DHRSX: variants seen among roughly 807,000 people sequenced by gnomAD.
The protein encoded by DHRSX is polyprenol dehydrogenase.
Under a neutral mutation model 34.0 loss-of-function variants are expected in DHRSX, and 31 were observed. The observed-to-expected ratio is 0.91, with a 90% CI of 0.69 to 1.23. The LOEUF (loss-of-function observed/expected upper bound fraction) is 1.23, where lower values mean the gene tolerates loss of function less well. DHRSX is among the 50% of genes most tolerant of loss of function. The probability of loss-of-function intolerance (pLI) is 0.00; values close to 1 mark genes in which losing one functional copy is unlikely to be tolerated. For missense variants in DHRSX, 414 were observed against 428.1 expected (o/e 0.97, Z 0.29); for synonymous variants, 201 against 183.8 (o/e 1.09, Z -0.76).
intron 1 of DHRSX, among the ~76,000 whole-genome samples, chrX:2,438,550 A>G (rs2044024464): frequency 6.6e-6 from 1 of 151,554 alleles, no homozygotes; most frequent in South Asian, 2.1e-4. Flanking sequence ...TGGCGCCTGT[A>G]ATCCTGCCTC....
intron 3 of DHRSX, among the ~76,000 whole-genome samples, chrX:2,335,082 G>C (rs1226809343): frequency 1.3e-5 from 2 of 151,802 alleles, no homozygotes; most frequent in Non-Finnish European, 2.9e-5. Context: ...CTATTGAGGA[G>C]GCTGAGGCAG....
intron 3 of DHRSX, among the ~76,000 whole-genome samples, chrX:2,358,298 A>C (rs967902458): frequency 6.6e-6 from 1 of 152,246 alleles, no homozygotes; most frequent in African/African-American, 2.4e-5. Flanking sequence ...GAACTTAAAC[A>C]AATTTACAAA....
chrX:2,246,750 A>AAGAAAGAAAGAG lies in DHRSX; in HGVS notation c.597-3521_597-3520insCTCTTTCTTTCT, dbSNP rs1204935283. ...AAAGAAAGAAAGAAAGAAAGAAAGA[A>AAGAAAGAAAGAG]AAAGAAAGAAAATAAAAGAATAGAA... On this transcript the variant is annotated intron_variant, in intron 5 of 6. Transcript: ENST00000334651. Among the ~76,000 whole-genome samples, 16 of 108,452 alleles carry AAGAAAGAAAGAG rather than the reference A, an allele frequency of 1.5e-4. No individual in the cohort carries two copies. In the East Asian group the frequency reaches 2.8e-3, roughly 19 times the overall value. 71.1% of individuals were successfully genotyped at this position (108,452 alleles called of 152,430 possible).
chrX:2,429,134 T>C (rs917264683), intron 1 of DHRSX, among the ~76,000 whole-genome samples: 4 of 152,178 alleles, frequency 2.6e-5, no homozygotes, highest in Non-Finnish European at 5.9e-5. Flanking sequence ...ATAGAACCTG[T>C]ACAATGACAT....
chrX:2,397,560 T>C (rs1256946257), intron 3 of DHRSX, among the ~76,000 whole-genome samples: 1 of 103,540 alleles, frequency 9.7e-6, no homozygotes, highest in Non-Finnish European at 2.1e-5. Context: ...ACCTCGGTTC[T>C]CATTCACAGA....
At chrX:2,401,124 T>C (rs2043480651) in intron 3 of DHRSX, among the ~76,000 whole-genome samples, 1 of 151,930 alleles carries the variant, frequency 6.6e-6, no homozygotes, top group South Asian at 2.1e-4. Flanking sequence ...TTTTTTTTTT[T>C]TTTTAGATGA....
intron 3 of DHRSX, among the ~76,000 whole-genome samples, chrX:2,396,967 T>C (rs1458319287): frequency 6.6e-6 from 1 of 152,124 alleles, no homozygotes; most frequent in Non-Finnish European, 1.5e-5. Context: ...AGAGAATGGC[T>C]GAAAACAGCT....
intron 3 of DHRSX, among the ~76,000 whole-genome samples, chrX:2,373,263 AT>A (rs1569494953): frequency 6.6e-6 from 1 of 152,176 alleles, no homozygotes; most frequent in African/African-American, 2.4e-5. Flanking sequence ...AATCATTACA[AT>A]TCCAGGTGCC....
At chrX:2,414,797 C>G (rs1413744703) in intron 2 of DHRSX, among the ~76,000 whole-genome samples, 3 of 152,022 alleles carry the variant, frequency 2.0e-5, no homozygotes, top group Non-Finnish European at 4.4e-5. Flanking sequence ...TGACCCAATA[C>G]AAGTAGATCT....
intron 1 of DHRSX, among the ~76,000 whole-genome samples, chrX:2,483,789 CAAAAAAAAAA>C (rs111577835): frequency 9.1e-6 from 1 of 110,406 alleles, no homozygotes; most frequent in African/African-American, 3.0e-5. Flanking sequence ...GAAAAAGTGG[CAAAAAAAAAA>C]AAAAAAAAAA....
At chrX:2,422,423 G>A (rs2043792583) in intron 2 of DHRSX, among the ~76,000 whole-genome samples, 1 of 151,770 alleles carries the variant, frequency 6.6e-6, no homozygotes, top group African/African-American at 2.4e-5. Context: ...CCACCATGCC[G>A]AGCTACTTTT....
intron 2 of DHRSX, among the ~76,000 whole-genome samples, chrX:2,423,866 A>G (rs1423058904): frequency 6.6e-6 from 1 of 152,182 alleles, no homozygotes; most frequent in Non-Finnish European, 1.5e-5. Context: ...ATAAGCTTTT[A>G]GAGAAATTTT....
At chrX:2,342,239 G>A (rs1032833637) in intron 3 of DHRSX, among the ~76,000 whole-genome samples, 2 of 152,096 alleles carry the variant, frequency 1.3e-5, no homozygotes, top group African/African-American at 4.8e-5. Context: ...TAAATGCTGA[G>A]ATGAGAATTC....
At chrX:2,453,090 A>G (rs2044247405) in intron 1 of DHRSX, among the ~76,000 whole-genome samples, 1 of 152,218 alleles carries the variant, frequency 6.6e-6, no homozygotes, top group Admixed American at 6.5e-5. Flanking sequence ...GGACTGGAAG[A>G]TACAAGGTGA....
At chrX:2,297,149 G>T (rs766468652) in intron 3 of DHRSX, among the ~76,000 whole-genome samples, 47 of 152,358 alleles carry the variant, frequency 3.1e-4, no homozygotes, top group African/African-American at 1.0e-3. Context: ...TTGAGACAGG[G>T]TCTCGTTCTG....
intron 3 of DHRSX, among the ~76,000 whole-genome samples, chrX:2,346,219 C>G (rs2042709011): frequency 6.9e-6 from 1 of 144,486 alleles, no homozygotes. Context: ...TCCATGGCAT[C>G]TGGACACGCA....
chrX:2,398,891 C>T (rs1261712459), intron 3 of DHRSX, among the ~76,000 whole-genome samples: 3 of 151,926 alleles, frequency 2.0e-5, no homozygotes, highest in African/African-American at 4.8e-5. Context: ...CTCGCTCTGT[C>T]GCCCAGGCTG....
chrX:2,349,119 AACT>A (rs1431299946), intron 3 of DHRSX, among the ~76,000 whole-genome samples: 2 of 152,290 alleles, frequency 1.3e-5, no homozygotes, highest in South Asian at 2.1e-4. Context: ...TTAAAAATAG[AACT>A]ACTCGATGAT....
At chrX:2,298,329 T>TG (rs1381383990) in intron 3 of DHRSX, among the ~76,000 whole-genome samples, 4 of 150,914 alleles carry the variant, frequency 2.7e-5, no homozygotes, top group African/African-American at 9.8e-5. Context: ...TTTTTTTTTT[T>TG]TTGTTAGTTC....
Sources: gnomAD v4.1 joint callset for allele counts (sites outside exome capture counted in the v4.1 genomes callset) on GRCh38, gnomAD v4.1.1 for gene constraint, MANE v1.5 for transcripts, NCBI Gene and HGNC (gene_info 2026-07-23, HGNC 2026-07-21) for gene names.